Variants in SGCD observed in about 807,000 individuals in gnomAD.
SGCD encodes the protein sarcoglycan delta.
SGCD carries 18 observed loss-of-function variants against 36.6 expected under a neutral mutation model. The observed-to-expected ratio is 0.49, with a 90% CI of 0.34 to 0.73. The LOEUF (loss-of-function observed/expected upper bound fraction) is 0.73. Among genes scored for constraint, SGCD ranks in the 30% least tolerant of loss-of-function variants. The probability of loss-of-function intolerance (pLI) is 0.01; values close to 1 mark genes in which losing one functional copy is unlikely to be tolerated. For synonymous variants in SGCD, 133 were observed against 130.6 expected (o/e 1.02, Z -0.12); for missense variants, 387 against 346.7 (o/e 1.12, Z -0.92).
At chr5:156,403,577 TC>T (rs1322085432) in intron 3 of SGCD, among the ~76,000 whole-genome samples, 2 of 152,186 alleles carry the variant, frequency 1.3e-5, no homozygotes, top group African/African-American at 2.4e-5. Context: ...TGCCGGACGT[TC>T]ACTAGGCTGC....
chr5:155,999,414 G>A (rs1758619134), intron 1 of SGCD, among the ~76,000 whole-genome samples: 1 of 152,166 alleles, frequency 6.6e-6, no homozygotes, highest in Admixed American at 6.5e-5. Flanking sequence ...TGGTAAGGTG[G>A]ACTTAATATA....
chr5:156,614,230 C>A (rs1433138050), intron 6 of SGCD, among the ~76,000 whole-genome samples: 2 of 152,144 alleles, frequency 1.3e-5, no homozygotes, highest in Non-Finnish European at 2.9e-5. Flanking sequence ...CAAGCATGAG[C>A]CACTATGCCC....
intron 1 of SGCD, among the ~76,000 whole-genome samples, chr5:155,933,086 A>G (rs1451547863): frequency 6.6e-6 from 1 of 152,220 alleles, no homozygotes; most frequent in Non-Finnish European, 1.5e-5. Flanking sequence ...CTAGAATCCA[A>G]ACCTCAAAGT....
chr5:156,634,761 T>C (rs1029391932), intron 6 of SGCD, among the ~76,000 whole-genome samples: 2 of 152,168 alleles, frequency 1.3e-5, no homozygotes, highest in Admixed American at 1.3e-4. Flanking sequence ...GAGTACATTT[T>C]CCTTTATGGA....
chr5:156,680,423 C>T (rs757747283), intron 7 of SGCD, among the ~76,000 whole-genome samples: 30 of 152,118 alleles, frequency 2.0e-4, no homozygotes, highest in Non-Finnish European at 3.1e-4. Context: ...CACTTATTAC[C>T]AGGGACTTAA....
At chr5:156,438,549 A>G (rs983860521) in intron 3 of SGCD, among the ~76,000 whole-genome samples, 3 of 152,090 alleles carry the variant, frequency 2.0e-5, no homozygotes, top group African/African-American at 4.8e-5. Context: ...TTCAACTCCC[A>G]CCTTTCCCAG....
chr5:156,148,381 C>A (rs950191147), intron 3 of SGCD, among the ~76,000 whole-genome samples: 1 of 152,002 alleles, frequency 6.6e-6, no homozygotes, highest in East Asian at 1.9e-4. Flanking sequence ...AATTTCTCTC[C>A]AAGAGAAAAA....
intron 1 of SGCD, among the ~76,000 whole-genome samples, chr5:156,033,903 T>C (rs1002843): frequency 0.059 from 8,907 of 152,198 alleles, 838 homozygotes; most frequent in African/African-American, 0.2. Context: ...ATTTTTTATA[T>C]CAAAGATGCC....
intron 7 of SGCD, among the ~76,000 whole-genome samples, chr5:156,669,379 T>G (rs781542029): frequency 6.6e-6 from 1 of 152,274 alleles, no homozygotes. Context: ...CCCTCTATCT[T>G]GATAATGATA....
Position 156,397,353 on chromosome 5 carries a change from T to G in SGCD, c.192+52676T>G, listed in dbSNP as rs1771912585. ...AATTGCATATTCTTTTTTGTTTTGCTTTTTATAAACTTTTAAAAATGTAAA... is the reference window on the plus strand; with the variant it reads ...AATTGCATATTCTTTTTTGTTTTGCGTTTTATAAACTTTTAAAAATGTAAA... On this transcript the variant is annotated intron_variant, in intron 3 of 8. Transcript: ENST00000337851. 4.6e-5 allele frequency among the ~76,000 whole-genome samples: 7 copies of G among 152,230 alleles called. No homozygotes were observed. The South Asian group carries it at 1.4e-3, about 32-fold the overall frequency.
chr5:156,595,136 T>C (rs988061492), intron 6 of SGCD, 85 bp downstream of exon 6: 4 of 1,441,030 alleles, frequency 2.8e-6, no homozygotes, highest in Non-Finnish European at 2.8e-6. Flanking sequence ...GAACAGGATA[T>C]GTCCTCCCAA....
At chr5:156,307,555 G>GTTTTTTTTTTTTTTTTTTTTTTTT (rs59481792) in intron 3 of SGCD, among the ~76,000 whole-genome samples, 3 of 41,142 alleles carry the variant, frequency 7.3e-5, no homozygotes, top group Non-Finnish European at 1.5e-4. Flanking sequence ...TTTAACTGTT[G>GTTTTTTTTTTTTTTTTTTTTTTTT]TTTTTTTTTT....
chr5:156,547,729 G>A (rs940635756), intron 4 of SGCD, among the ~76,000 whole-genome samples: 1 of 152,034 alleles, frequency 6.6e-6, no homozygotes, highest in Non-Finnish European at 1.5e-5. Flanking sequence ...GGCACGAGCC[G>A]ATAATATCAT....
rs115196452 is a variant in SGCD at position 156,682,609 on chromosome 5, T to A, written c.575+35073T>A. 6.3e-3 allele frequency among the ~76,000 whole-genome samples: 958 copies of A among 152,302 alleles called. 10 individuals are homozygous for A. The highest frequency in any genetic ancestry group is 0.022 in the African/African-American group (926 of 41,556). On this transcript the variant is annotated intron_variant, in intron 7 of 8. Coordinates refer to ENST00000337851, the MANE Select transcript of SGCD (RefSeq NM_000337.6). Reference sequence around the variant, plus strand: ...AACACAGTGACCAAGACAAAAAGAATGTAGTATGGACAAGGAACATTAAAG... The same window carrying A: ...AACACAGTGACCAAGACAAAAAGAAAGTAGTATGGACAAGGAACATTAAAG...
At chr5:155,744,020 C>T in the SGCD span, among the ~76,000 whole-genome samples, 1 of 152,202 alleles carries the variant, frequency 6.6e-6, no homozygotes, top group South Asian at 2.1e-4. Flanking sequence ...CCTGTTTAGG[C>T]CTACAGGAAT....
chr5:156,061,607 G>A (rs1181397422), intron 1 of SGCD, among the ~76,000 whole-genome samples: 1 of 146,288 alleles, frequency 6.8e-6, no homozygotes, highest in East Asian at 1.9e-4. Flanking sequence ...CAGGGGAAGT[G>A]TTAAATGTAG....
chr5:156,593,696 A>G (rs1302386305), intron 5 of SGCD, among the ~76,000 whole-genome samples: 1 of 152,168 alleles, frequency 6.6e-6, no homozygotes, highest in Non-Finnish European at 1.5e-5. Context: ...GAGATGCCCT[A>G]TGGTTTTCCT....
At chr5:156,345,984 C>G (rs1336861129) in intron 3 of SGCD, among the ~76,000 whole-genome samples, 1 of 151,922 alleles carries the variant, frequency 6.6e-6, no homozygotes, top group Non-Finnish European at 1.5e-5. Flanking sequence ...TTATGTATCT[C>G]TTATTATATT....
intron 7 of SGCD, among the ~76,000 whole-genome samples, chr5:156,684,344 G>A (rs1450896344): frequency 6.6e-6 from 1 of 152,144 alleles, no homozygotes; most frequent in African/African-American, 2.4e-5. Context: ...CTCCTCCCAG[G>A]AGGTCATGGT....
Sources: gnomAD v4.1 joint callset for allele counts (sites outside exome capture counted in the v4.1 genomes callset) on GRCh38, gnomAD v4.1.1 for gene constraint, MANE v1.5 for transcripts, NCBI Gene and HGNC (gene_info 2026-07-23, HGNC 2026-07-21) for gene names.